The following CLN5 variants were observed in gnomAD, a reference collection of about 807,000 sequenced individuals.
CLN5 encodes CLN5 lysosomal BMP synthase.
CLN5 carries 34 observed loss-of-function variants against 36.7 expected under a neutral mutation model. That is an observed-to-expected ratio of 0.93 (90% CI 0.71 to 1.23). The LOEUF is 1.23. Among genes scored for constraint, CLN5 ranks in the 50% most tolerant of loss-of-function variants. The pLI, the probability that CLN5 is intolerant of heterozygous loss-of-function variation, is 0.00. For synonymous variants in CLN5, 151 were observed against 155.1 expected (o/e 0.97, Z 0.20); for missense variants, 427 against 439.4 (o/e 0.97, Z 0.25).
At chr13:76,999,457 T>C (rs1188379000) in intron 3 of CLN5, 1 of 152,260 alleles carries the variant, frequency 6.6e-6, no homozygotes, top group Non-Finnish European at 1.5e-5. Context: ...GCCTAAAACA[T>C]TTCCAGTTTA....
At position 77,000,990 on chromosome 13, in the gene CLN5, C is replaced by G. The variant is rs1566221843; in HGVS notation, c.*21C>G. ...TATAAAACACCTTAATTCTACTGCTCTTTTTTCTCCAATCACCAGCATCTG... is the reference window on the plus strand; with the variant it reads ...TATAAAACACCTTAATTCTACTGCTGTTTTTTCTCCAATCACCAGCATCTG... On this transcript the variant is annotated 3_prime_UTR_variant, in exon 4 of 4. Transcript: ENST00000377453. The G allele has an allele frequency of 6.3e-7, 1 of 1,594,392 alleles. No individual in the cohort carries two copies. The highest frequency in any genetic ancestry group is 2.2e-5 in the East Asian group (1 of 44,730).
intron 1 of CLN5, 121 bp downstream of exon 1, chr13:76,992,392 A>T (rs1566217378): frequency 5.9e-6 from 7 of 1,182,378 alleles, no homozygotes; most frequent in Non-Finnish European, 8.1e-6. Flanking sequence ...TGGTGCGGGG[A>T]CAGCGCCGGG....
intron 2 of CLN5, 60 bp from the exon 3 acceptor site, chr13:76,995,842 G>A: frequency 7.8e-7 from 1 of 1,284,606 alleles, no homozygotes; most frequent in Non-Finnish European, 1.1e-6. Flanking sequence ...TCTCCTATCA[G>A]GTTACCTGGA....
At chr13:76,998,740 C>A (rs933833296) in intron 3 of CLN5, 3 of 152,176 alleles carry the variant, frequency 2.0e-5, no homozygotes, top group African/African-American at 7.2e-5. Flanking sequence ...AAACTGAGGT[C>A]TTTTAAATGT....
chr13:76,996,180 AAG>A, intron 3 of CLN5, 53 bp downstream of exon 3: 2 of 1,378,172 alleles, frequency 1.5e-6, no homozygotes, highest in South Asian at 2.3e-5. Context: ...AACCAAATGA[AAG>A]AAATTGTTAT....
At chr13:76,996,983 A>G (rs547207233) in intron 3 of CLN5, 1 of 151,958 alleles carries the variant, frequency 6.6e-6, no homozygotes, top group Admixed American at 6.6e-5. Flanking sequence ...TTTTTTGATT[A>G]TGGCCATTCT....
Position 77,001,046 on chromosome 13 carries a change from T to C in CLN5, c.*77T>C, listed in dbSNP as rs769981365. The C allele has an allele frequency of 3.1e-5, 40 of 1,297,952 alleles. No homozygotes were observed. Among genetic ancestry groups the C allele is most frequent in the Non-Finnish European group, 4.3e-5 (40 of 921,966 alleles). 80.4% of individuals were successfully genotyped at this position (1,297,952 alleles called of 1,614,324 possible). On this transcript the variant is annotated 3_prime_UTR_variant, in exon 4 of 4. Coordinates refer to ENST00000377453, the MANE Select transcript of CLN5 (RefSeq NM_006493.4). Reference sequence around the variant, plus strand: ...CAGGGGGTGATTTTACTTTTGTGAATTCCTTAGCCTTTCTTCCTTGGTGCA... The same window carrying C: ...CAGGGGGTGATTTTACTTTTGTGAACTCCTTAGCCTTTCTTCCTTGGTGCA...
At position 77,004,036 on chromosome 13, in the gene CLN5, ATTAG is replaced by A. The variant is rs1378092585; in HGVS notation, c.*3071_*3074del. The A allele has an allele frequency of 6.6e-6, 1 of 152,204 alleles. No individual in the cohort carries two copies. Among genetic ancestry groups the A allele is most frequent in the Non-Finnish European group, 1.5e-5 (1 of 68,044 alleles). The allele number at this position is 152,204 out of a possible 1,614,324, so 9.4% of individuals were successfully genotyped here. Reference sequence around the variant, plus strand: ...TATCTCCTCATTAATCTGGCACAAAATTAGTTAAGTAAGTATACCCACAAAGTGT... The same window carrying A: ...TATCTCCTCATTAATCTGGCACAAAATTAAGTAAGTATACCCACAAAGTGT... On this transcript the variant is annotated 3_prime_UTR_variant, in exon 4 of 4. Coordinates refer to ENST00000377453, the MANE Select transcript of CLN5 (RefSeq NM_006493.4).
chr13:76,995,353 A>C, intron 2 of CLN5, 125 bp downstream of exon 2: 1 of 874,534 alleles, frequency 1.1e-6, no homozygotes. Context: ...GTCTTAGTAC[A>C]TTTAAAATGA....
Position 77,004,467 on chromosome 13 carries a change from T to G in CLN5, c.*3498T>G, listed in dbSNP as rs1209255300. The G allele has an allele frequency of 6.6e-6, 1 of 152,232 alleles. No homozygotes were observed. The highest frequency in any genetic ancestry group is 2.4e-5 in the African/African-American group (1 of 41,466). 9.4% of individuals were successfully genotyped at this position (152,232 alleles called of 1,614,324 possible). A position where few individuals can be genotyped will look rare whatever the true frequency, so the allele number is the denominator to read the frequency against. ...ACTTAAAACAAGTTAGGATTATTTA[T>G]CCTTTTATTGGACTGATTATTCTAA... On this transcript the variant is annotated 3_prime_UTR_variant, in exon 4 of 4. Transcript: ENST00000377453.
In CLN5 at chr13:77,001,085, C is replaced by G; in HGVS notation, c.*116C>G. 1 of 883,940 alleles carries G rather than the reference C, an allele frequency of 1.1e-6. No homozygotes were observed. Among genetic ancestry groups the G allele is most frequent in the Non-Finnish European group, 1.8e-6 (1 of 569,534 alleles). 54.8% of individuals were successfully genotyped at this position (883,940 alleles called of 1,614,324 possible). A position where few individuals can be genotyped will look rare whatever the true frequency, so the allele number is the denominator to read the frequency against. The stretch of plus-strand genomic sequence containing the variant: ...TTCCTTGGTGCATAAAGTTAAAATG[C>G]ACATCAGCAGAATTGCTGCATATTA... On this transcript the variant is annotated 3_prime_UTR_variant, in exon 4 of 4. Transcript: ENST00000377453.
rs1472528721 is a variant in CLN5 at position 77,001,162 on chromosome 13, C to G, written c.*193C>G. On this transcript the variant is annotated 3_prime_UTR_variant, in exon 4 of 4. Coordinates refer to ENST00000377453, the MANE Select transcript of CLN5 (RefSeq NM_006493.4). Reference sequence around the variant, plus strand: ...GAAGCTGAAATTCGTACTATATTGGCCAAAGTGAGCGAGTTAGGTGATCTT... The same window carrying G: ...GAAGCTGAAATTCGTACTATATTGGGCAAAGTGAGCGAGTTAGGTGATCTT... 2 of 504,144 alleles carry G rather than the reference C, an allele frequency of 4.0e-6. No individual in the cohort carries two copies. The highest frequency in any genetic ancestry group is 1.9e-5 in the African/African-American group (1 of 51,570). 31.2% of individuals were successfully genotyped at this position (504,144 alleles called of 1,614,324 possible). A position where few individuals can be genotyped will look rare whatever the true frequency, so the allele number is the denominator to read the frequency against.
chr13:76,992,590 T>C (rs1054334603), intron 1 of CLN5: 14 of 471,154 alleles, frequency 3.0e-5, no homozygotes, highest in Non-Finnish European at 4.1e-5. Flanking sequence ...AAGTAGCTGA[T>C]TTCTTGAGTA....
Position 76,992,110 on chromosome 13 carries a change from G to C in CLN5, c.12G>C (p.Glu4Asp). 1 of 1,611,820 alleles carries C rather than the reference G, an allele frequency of 6.2e-7. No homozygotes were observed. Among genetic ancestry groups the C allele is most frequent in the South Asian group, 1.1e-5 (1 of 90,998 alleles). MAQ[E>D]VDTAQGAEMR... Reference sequence around the variant, plus strand: ...CTGGGTGCAGCCTGATGGCGCAGGAGGTAGACACGGCACAGGGCGCCGAGA... The same window carrying C: ...CTGGGTGCAGCCTGATGGCGCAGGACGTAGACACGGCACAGGGCGCCGAGA... Residue 4 changes from glutamate (E) to aspartate (D), a missense_variant, in exon 1 of 4, where the codon GAG becomes GAC. Physicochemically the swap from Glu to Asp is conservative, Grantham distance 45 (BLOSUM62 2). Transcript: ENST00000377453.
intron 3 of CLN5, chr13:76,997,778 C>T (rs1322672031): frequency 6.6e-6 from 1 of 152,140 alleles, no homozygotes; most frequent in East Asian, 1.9e-4. Context: ...CTTTTCCCAT[C>T]ATAAAAATGA....
In CLN5 at chr13:77,000,616, T is replaced by C. The variant is rs2034342969; in HGVS notation, c.724T>C (p.Leu242=). ...ATTTGTGTTAAGGACCTTTAACAAG[T>C]TGGCTGAATTTGGAGCAGAGTTCAA... ...SKFVLRTFNK[L]AEFGAEFKNI... The change falls in exon 4 of 4, where the codon TTG becomes CTG. Residue 242 remains leucine (L), a synonymous_variant. Coordinates refer to ENST00000377453, the MANE Select transcript of CLN5 (RefSeq NM_006493.4). 4 of 1,614,010 alleles carry C rather than the reference T, an allele frequency of 2.5e-6. No homozygotes were observed. Among genetic ancestry groups the C allele is most frequent in the Non-Finnish European group, 1.7e-6 (2 of 1,180,014 alleles).
chr13:77,000,065 A>C (rs1431154574), intron 3 of CLN5: 2 of 147,684 alleles, frequency 1.4e-5, no homozygotes, highest in Non-Finnish European at 2.9e-5. Flanking sequence ...TTTACTTAAA[A>C]TTAATATGAT....
In CLN5 at chr13:77,002,520, T is replaced by G. The variant is rs1205557834; in HGVS notation, c.*1551T>G. On this transcript the variant is annotated 3_prime_UTR_variant, in exon 4 of 4. Coordinates refer to ENST00000377453, the MANE Select transcript of CLN5 (RefSeq NM_006493.4). ...AATTAAAAAAATTGGAGCTTGTATT[T>G]TATGTGTCTTTGGTCTTATTTTGTC... 1.3e-5 allele frequency: 2 copies of G among 152,164 alleles called. No individual in the cohort carries two copies. The highest frequency in any genetic ancestry group is 2.9e-5 in the Non-Finnish European group (2 of 68,038). The allele number at this position is 152,164 out of a possible 1,614,324, so 9.4% of individuals were successfully genotyped here.
In CLN5 at chr13:77,004,841, A is replaced by G. The variant is rs761364956; in HGVS notation, c.*3872A>G. 42 of 152,324 alleles carry G rather than the reference A, an allele frequency of 2.8e-4. No homozygotes were observed. The highest frequency in any genetic ancestry group is 7.9e-4 in the African/African-American group (33 of 41,570). 9.4% of individuals were successfully genotyped at this position (152,324 alleles called of 1,614,324 possible). On this transcript the variant is annotated 3_prime_UTR_variant, in exon 4 of 4. Coordinates refer to ENST00000377453, the MANE Select transcript of CLN5 (RefSeq NM_006493.4). ...GGTTACAACAGCCCAAATTACCAAG[A>G]TAAGTTGAAAGCCAGTAAAACAATG...
Sources: gnomAD v4.1 joint callset for allele counts on GRCh38, gnomAD v4.1.1 for gene constraint, MANE v1.5 for transcripts, NCBI Gene and HGNC (gene_info 2026-07-23, HGNC 2026-07-21) for gene names.